TTN: variants seen among roughly 807,000 people sequenced by gnomAD.
TTN encodes titin, also known as connectin.
A neutral mutation model predicts 3,223.0 loss-of-function variants in TTN; 1,525 were observed. The observed-to-expected ratio is 0.47, with a 90% CI of 0.45 to 0.49. TTN has a LOEUF of 0.49. TTN is among the 20% of genes least tolerant of loss of function. TTN has a pLI of 0.00. For synonymous variants in TTN, 14,094 were observed against 15,161.0 expected (o/e 0.93, Z 5.17); for missense variants, 40,786 against 43,424.0 (o/e 0.94, Z 5.40).
intron 45 of TTN, among the ~76,000 whole-genome samples, chr2:178,757,157 A>AGTAAGTAATACTGTACTTACTTTAAGTG: frequency 7.3e-6 from 1 of 137,488 alleles, no homozygotes; most frequent in East Asian, 2.9e-4. Flanking sequence ...TGCTTTAAGT[A>AGTAAGTAATACTGTACTTACTTTAAGTG]CAGTAAGTAA....
Position 178,724,407 on chromosome 2 carries a change from T to C in TTN, c.20968A>G (p.Ser6990Gly), listed in dbSNP as rs1467185474. The C allele has an allele frequency of 1.2e-6, 2 of 1,613,600 alleles. No homozygotes were observed. Among genetic ancestry groups the C allele is most frequent in the African/African-American group, 1.3e-5 (1 of 75,034 alleles). ...EWYKDGKLLT[S>G]SQKHKFSFYN... ...AAGCTAAATTTGTGTTTTTGGCTGC[T>C]GGTCAACAGCTTTCCATCCTTGTAC... Residue 6990 changes from serine (S) to glycine (G), a missense_variant, in exon 72 of 363, where the codon AGC becomes GGC. By Grantham distance (56) the Ser-to-Gly change is moderately conservative. Coordinates refer to ENST00000589042, the MANE Select transcript of TTN (RefSeq NM_001267550.2).
At chr2:178,742,876 T>C (rs998052161) in intron 47 of TTN, 1 of 152,068 alleles carries the variant, frequency 6.6e-6, no homozygotes, top group Admixed American at 6.6e-5. Flanking sequence ...TCCTTTCTGT[T>C]CTAGCATATA....
Position 178,536,179 on chromosome 2 carries a change from G to T in TTN, c.100568C>A (p.Pro33523Gln), listed in dbSNP as rs794729558. 2 of 1,613,490 alleles carry T rather than the reference G, an allele frequency of 1.2e-6. No homozygotes were observed. Among genetic ancestry groups the T allele is most frequent in the Middle Eastern group, 3.3e-4 (2 of 6,060 alleles). ...TCTGTACCATTTGACGATAGGTTTT[G>T]GATGACCAGTCACTTTGCAGACCAA... is the stretch of plus-strand genomic sequence containing the variant. Reference protein sequence around the residue: ...ATLVCKVTGHPKPIVKWYRQG... With the variant: ...ATLVCKVTGHQKPIVKWYRQG... Residue 33523 changes from proline to glutamine, a missense_variant, in exon 357 of 363, where the codon CCA becomes CAA. Coordinates refer to ENST00000589042, the MANE Select transcript of TTN (RefSeq NM_001267550.2).
chr2:178,531,437 C>T lies in TTN; in HGVS notation c.105178G>A (p.Glu35060Lys). 6.2e-7 allele frequency: 1 copy of T among 1,613,976 alleles called. No individual in the cohort carries two copies. Among genetic ancestry groups the T allele is most frequent in the Non-Finnish European group, 8.5e-7 (1 of 1,179,890 alleles). ...TTAAATGATGAAACAGCATACGCCTCTGTTCTTGTCAGCTCAGGGAAAACA... is the reference window on the plus strand; with the variant it reads ...TTAAATGATGAAACAGCATACGCCTTTGTTCTTGTCAGCTCAGGGAAAACA... ...RSVFPELTRT[E>K]AYAVSSFKKT... is the part of the protein sequence containing the mutation. Residue 35060 changes from glutamate to lysine, a missense_variant, in exon 358 of 363, where the codon GAG (glutamate) becomes AAG (lysine). Coordinates refer to ENST00000589042, the MANE Select transcript of TTN (RefSeq NM_001267550.2).
In TTN at chr2:178,635,198, C is replaced by T; in HGVS notation, c.41991G>A (p.Trp13997Ter). The T allele has an allele frequency of 6.2e-7, 1 of 1,613,090 alleles. No homozygotes were observed. The highest frequency in any genetic ancestry group is 8.5e-7 in the Non-Finnish European group (1 of 1,179,452). The change falls in exon 228 of 363, where the codon TGG becomes TGA. Residue 13997 changes from tryptophan (W) to a stop codon, truncating the protein, a stop_gained. Transcript: ENST00000589042. LOFTEE classifies it high-confidence loss of function. ...GCCTTAGAAGTTCTCCTTTCAGTTT[C>T]CATTGTCCAGGAATGTCTGCCTCTG... ...EISEADIPGQWKLKGELLRPS... is the reference protein window; with the variant it reads ...EISEADIPGQ
At chr2:178,803,587 T>C (rs1048840951) in intron 2 of TTN, among the ~76,000 whole-genome samples, 1 of 151,630 alleles carries the variant, frequency 6.6e-6, no homozygotes, top group African/African-American at 2.4e-5. Flanking sequence ...TTGGTGCATA[T>C]AATAGAAAAA....
In TTN at chr2:178,585,218, G is replaced by A; in HGVS notation, c.64526C>T (p.Thr21509Ile). The A allele has an allele frequency of 6.2e-7, 1 of 1,613,330 alleles. No individual in the cohort carries two copies. Among genetic ancestry groups the A allele is most frequent in the Non-Finnish European group, 8.5e-7 (1 of 1,179,448 alleles). The change falls in exon 309 of 363, where the codon ACA becomes ATA. Residue 21509 changes from threonine (T) to isoleucine (I), a missense_variant. Thr to Ile is a moderately conservative substitution (Grantham distance 89). Transcript: ENST00000589042. ...KWKKGEDEVV[T>I]SSHLAVHKAD... ...TTTATGCACTGCCAGGTGGCTGGAT[G>A]TGACAACTTCATCTTCTCCTTTTTT...
intron 47 of TTN, chr2:178,750,593 C>T (rs150820403): frequency 1.1e-4 from 181 of 1,612,146 alleles, no homozygotes; most frequent in African/African-American, 1.2e-4. Flanking sequence ...TGGGCGTTTT[C>T]GAAAAGAATT....
In TTN at chr2:178,682,690, C is replaced by T; in HGVS notation, c.33094+7G>A. 6.2e-7 allele frequency: 1 copy of T among 1,606,014 alleles called. No homozygotes were observed. Among genetic ancestry groups the T allele is most frequent in the Admixed American group, 1.7e-5 (1 of 58,728 alleles). On this transcript the variant is annotated splice_region_variant and intron_variant, in intron 135 of 362. Transcript: ENST00000589042. ...GTGTGGTTTTGAGTTTGCAGTTTTGCTCATACCTGTGATGTATTCTTCATG... is the reference window on the plus strand; with the variant it reads ...GTGTGGTTTTGAGTTTGCAGTTTTGTTCATACCTGTGATGTATTCTTCATG...
chr2:178,563,576 C>T lies in TTN; in HGVS notation c.82556G>A (p.Cys27519Tyr), dbSNP rs1186845754. 2 of 1,613,672 alleles carry T rather than the reference C, an allele frequency of 1.2e-6. No homozygotes were observed. The highest frequency in any genetic ancestry group is 2.7e-5 in the African/African-American group (2 of 74,898). ...RDKEGVRWTKCNKKTLTDLRL... is the reference protein window; with the variant it reads ...RDKEGVRWTKYNKKTLTDLRL... ...CAGATCCGTTAATGTTTTCTTGTTG[C>T]ACTTGGTCCATCTAACGCCTTCCTT... The change falls in exon 326 of 363, where the codon TGC becomes TAC. Residue 27519 changes from cysteine (C) to tyrosine (Y), a missense_variant. By Grantham distance (194) the Cys-to-Tyr change is radical. Transcript: ENST00000589042. This position sits in a 1 kb window ranked among gnomAD's most constrained non-coding sequence, Gnocchi z 4.5.
chr2:178,536,280 A>G lies in TTN; in HGVS notation c.100467T>C (p.Ser33489=), dbSNP rs794727540. The G allele has an allele frequency of 6.2e-6, 10 of 1,613,592 alleles. No homozygotes were observed. The East Asian group carries it at 2.0e-4, about 32-fold the overall frequency. Residue 33489 remains serine (S), a synonymous_variant, in exon 357 of 363, where the codon TCT becomes TCC. Coordinates refer to ENST00000589042, the MANE Select transcript of TTN (RefSeq NM_001267550.2). ...SEISEPITPK[S]DVPIQAPHFK... ...AGTGTGGTGCCTGAATTGGGACATC[A>G]GATTTGGGAGTGATGGGTTCTGATA...
rs1003158162 is a variant in TTN, at chr2:178,531,968, G to A, written c.104647C>T (p.Arg34883Cys). 7 of 1,613,712 alleles carry A rather than the reference G, an allele frequency of 4.3e-6. No homozygotes were observed. Among genetic ancestry groups the A allele is most frequent in the East Asian group, 2.2e-5 (1 of 44,840 alleles). Reference sequence around the variant, plus strand: ...GACACAGGGCTGGGGGATCGTGGGCGAGTTCTCTCTGGAGTAGGTGACCTT... The same window carrying A: ...GACACAGGGCTGGGGGATCGTGGGCAAGTTCTCTCTGGAGTAGGTGACCTT... ...ERRSPTPERT[R>C]PRSPSPVSSE... Residue 34883 changes from arginine (R) to cysteine (C), a missense_variant, in exon 358 of 363, where the codon CGC (arginine) becomes TGC (cysteine). By Grantham distance (180) the Arg-to-Cys change is radical. Transcript: ENST00000589042.
chr2:178,610,138 C>T lies in TTN; in HGVS notation c.51388G>A (p.Gly17130Arg). The T allele has an allele frequency of 6.2e-7, 1 of 1,612,938 alleles. No individual in the cohort carries two copies. Among genetic ancestry groups the T allele is most frequent in the Non-Finnish European group, 8.5e-7 (1 of 1,179,310 alleles). The change falls in exon 271 of 363, where the codon GGA becomes AGA. Residue 17130 changes from glycine to arginine, a missense_variant. By Grantham distance (125) the Gly-to-Arg change is moderately radical (BLOSUM62 -2). Transcript: ENST00000589042. ...GGATTTTTCAGTTCAATATATTCTCCTCCACCAACCTTGTTGACTGCTTTA... is the reference window on the plus strand; with the variant it reads ...GGATTTTTCAGTTCAATATATTCTCTTCCACCAACCTTGTTGACTGCTTTA... ...RVKAVNKVGG[G>R]EYIELKNPVI...
chr2:178,538,470 G>T, intron 354 of TTN, 70 bp downstream of exon 354: 1 of 1,451,070 alleles, frequency 6.9e-7, no homozygotes, highest in Non-Finnish European at 9.3e-7. Flanking sequence ...GTTCTACTTA[G>T]TATAGAGGGG....
At position 178,576,377 on chromosome 2, in the gene TTN, G is replaced by A; in HGVS notation, c.69755C>T (p.Thr23252Ile). Reference sequence around the variant, plus strand: ...TGCCAAAGAAGCAGATTTCTTGGTAGTATCAGTGACATGCGGATTTGAAGG... The same window carrying A: ...TGCCAAAGAAGCAGATTTCTTGGTAATATCAGTGACATGCGGATTTGAAGG... Reference protein sequence around the residue: ...GPPSNPHVTDTTKKSASLAWG... With the variant: ...GPPSNPHVTDITKKSASLAWG... The change falls in exon 326 of 363, where the codon ACT (threonine) becomes ATT (isoleucine). Residue 23252 changes from threonine (T) to isoleucine (I), a missense_variant. Coordinates refer to ENST00000589042, the MANE Select transcript of TTN (RefSeq NM_001267550.2). The surrounding 1 kb of genome is among the most constrained non-coding windows in gnomAD (Gnocchi z 4.3). 6.4e-7 allele frequency: 1 copy of A among 1,560,548 alleles called. No individual in the cohort carries two copies. The highest frequency in any genetic ancestry group is 8.6e-7 in the Non-Finnish European group (1 of 1,160,668).
At chr2:178,750,930 A>G (rs992111693) in intron 47 of TTN, 5 of 1,612,848 alleles carry the variant, frequency 3.1e-6, no homozygotes, top group South Asian at 1.1e-5. Flanking sequence ...ATTTCACCAT[A>G]TAAATGGTCT....
rs368967197 is a variant in TTN, at chr2:178,781,199, C to T, written c.3445G>A (p.Asp1149Asn). The T allele has an allele frequency of 7.4e-6, 12 of 1,614,042 alleles. No homozygotes were observed. In the African/African-American group the frequency reaches 1.5e-4, roughly 20 times the overall value. The change falls in exon 21 of 363, where the codon GAT (aspartate) becomes AAT (asparagine). Residue 1149 changes from aspartate to asparagine, a missense_variant. Asp to Asn is a conservative substitution (Grantham distance 23, BLOSUM62 1). Transcript: ENST00000589042. ...CKLVISMTFA[D>N]DAGEYTIVVR... is the part of the protein sequence containing the mutation. ...ACAATAGTGTATTCTCCAGCATCAT[C>T]AGCAAAAGTCATAGAAATCACCAGC... is the stretch of plus-strand genomic sequence containing the variant.
rs779655917 is a variant in TTN, at chr2:178,780,086, C to T, written c.3643G>A (p.Glu1215Lys). 6.2e-7 allele frequency: 1 copy of T among 1,613,740 alleles called. No individual in the cohort carries two copies. The highest frequency in any genetic ancestry group is 1.1e-5 in the South Asian group (1 of 91,074). ...TAPGFVYSEY[E>K]KEYEKEQALI... The stretch of plus-strand genomic sequence containing the variant: ...GCTTGTTCTTTTTCATACTCTTTTT[C>T]ATACTCAGAGTATACAAATCCAGGT... Residue 1215 changes from glutamate (E) to lysine (K), a missense_variant, in exon 22 of 363, where the codon GAA (glutamate) becomes AAA (lysine). Glu to Lys is a moderately conservative substitution (Grantham distance 56). Coordinates refer to ENST00000589042, the MANE Select transcript of TTN (RefSeq NM_001267550.2).
In TTN at chr2:178,570,122, A is replaced by G; in HGVS notation, c.76010T>C (p.Leu25337Pro). The change falls in exon 326 of 363, where the codon CTT becomes CCT. Residue 25337 changes from leucine (L) to proline (P), a missense_variant. Physicochemically the swap from Leu to Pro is moderately conservative, Grantham distance 98 (BLOSUM62 -3). Transcript: ENST00000589042. ...ATCCCGTTTCTCAAGAACATATCCA[A>G]GAATTTCACTACCACCATCAGATGC... is the stretch of plus-strand genomic sequence containing the variant. Reference protein sequence around the residue: ...RPASDGGSEILGYVLEKRDKE... With the variant: ...RPASDGGSEIPGYVLEKRDKE... 6.2e-7 allele frequency: 1 copy of G among 1,613,520 alleles called. No homozygotes were observed. The highest frequency in any genetic ancestry group is 8.5e-7 in the Non-Finnish European group (1 of 1,179,624).
Sources: allele counts gnomAD v4.1 joint callset (sites outside exome capture counted in the v4.1 genomes callset), GRCh38; gene constraint gnomAD v4.1.1; non-coding constraint Gnocchi (gnomAD v3.1); transcripts MANE v1.5; gene names NCBI Gene and HGNC (gene_info 2026-07-23, HGNC 2026-07-21).